The following MBNL1 variants were observed in gnomAD, a reference collection of about 807,000 sequenced individuals.
The protein encoded by MBNL1 is muscleblind like splicing regulator 1, also known as muscleblind-like protein 1.
In MBNL1, 8 loss-of-function variants were observed where a neutral mutation model predicts 42.2. The observed-to-expected ratio is 0.19, with a 90% CI of 0.11 to 0.34. The LOEUF (loss-of-function observed/expected upper bound fraction) is 0.34, where lower values mean the gene tolerates loss of function less well. MBNL1 is among the 10% of genes least tolerant of loss of function. The pLI is 1.00. For synonymous variants in MBNL1, 169 were observed against 173.9 expected (o/e 0.97, Z 0.22); for missense variants, 309 against 495.3 (o/e 0.62, Z 3.57).
intron 6 of MBNL1, among the ~76,000 whole-genome samples, chr3:152,454,208 A>G (rs1005740071): frequency 3.3e-5 from 5 of 152,216 alleles, no homozygotes; most frequent in Non-Finnish European, 5.9e-5. Flanking sequence ...GTCCCCAGAT[A>G]CATTACAGAG....
At chr3:152,362,372 G>A (rs895637730) in intron 2 of MBNL1, among the ~76,000 whole-genome samples, 5 of 152,182 alleles carry the variant, frequency 3.3e-5, no homozygotes, top group African/African-American at 1.2e-4. Context: ...AAAGTCATAT[G>A]ATGTAGATTC....
At chr3:152,412,943 A>C (rs948979577) in intron 2 of MBNL1, among the ~76,000 whole-genome samples, 1 of 152,214 alleles carries the variant, frequency 6.6e-6, no homozygotes, top group African/African-American at 2.4e-5. Context: ...TATGATGCGG[A>C]GATACTGAGA....
chr3:152,456,179 C>A, intron 7 of MBNL1, 88 bp from the exon 8 acceptor site: 1 of 881,454 alleles, frequency 1.1e-6, no homozygotes. Flanking sequence ...TGATAAATAC[C>A]ATGCCCAATT....
intron 2 of MBNL1, among the ~76,000 whole-genome samples, chr3:152,357,706 T>TA (rs2095628188): frequency 1.3e-5 from 2 of 152,210 alleles, no homozygotes; most frequent in Admixed American, 1.3e-4. Context: ...CCCACCTTAC[T>TA]CTTGCTTCTT....
intron 2 of MBNL1, among the ~76,000 whole-genome samples, chr3:152,357,365 T>C (rs2095603218): frequency 6.6e-6 from 1 of 152,178 alleles, no homozygotes; most frequent in Non-Finnish European, 1.5e-5. Context: ...TAAAACAAAG[T>C]TGTAGCATCT....
intron 2 of MBNL1, among the ~76,000 whole-genome samples, chr3:152,245,357 T>C (rs2032662998): frequency 6.6e-6 from 1 of 152,192 alleles, no homozygotes; most frequent in Non-Finnish European, 1.5e-5. Context: ...GAGTGTTTAA[T>C]ACAGCTTTGA....
At chr3:152,301,232 T>C (rs771008060) in intron 2 of MBNL1, among the ~76,000 whole-genome samples, 2 of 152,176 alleles carry the variant, frequency 1.3e-5, no homozygotes, top group Non-Finnish European at 2.9e-5. Context: ...AATGAGTCTT[T>C]TAAAAGATAA....
In MBNL1 at chr3:152,464,971, C is replaced by T. The variant is rs935290776; in HGVS notation, c.*2605C>T. On this transcript the variant is annotated 3_prime_UTR_variant, in exon 10 of 10. Coordinates refer to ENST00000324210, the MANE Select transcript of MBNL1 (RefSeq NM_021038.5). ...GTGGCACAGAGTTAGCACTCCATAC[C>T]CCTTCAAACATGTTGCTTTGCTTTC... 3 of 152,556 alleles carry T rather than the reference C, an allele frequency of 2.0e-5. No homozygotes were observed. The highest frequency in any genetic ancestry group is 2.9e-5 in the Non-Finnish European group (2 of 68,028). 9.5% of individuals were successfully genotyped at this position (152,556 alleles called of 1,614,324 possible). A position where few individuals can be genotyped will look rare whatever the true frequency, so the allele number is the denominator to read the frequency against.
chr3:152,348,414 T>A (rs1330514164), intron 2 of MBNL1, among the ~76,000 whole-genome samples: 3 of 152,140 alleles, frequency 2.0e-5, no homozygotes, highest in East Asian at 3.8e-4. Flanking sequence ...CTGTTTATTA[T>A]TTTTAGGAAA....
chr3:152,307,302 T>G (rs1358565711), intron 2 of MBNL1, among the ~76,000 whole-genome samples: 1 of 152,200 alleles, frequency 6.6e-6, no homozygotes, highest in Non-Finnish European at 1.5e-5. Flanking sequence ...TATTCATATT[T>G]ATATAAACAG....
chr3:152,272,039 T>TTCTCTCTC (rs139763690), intron 1 of MBNL1, among the ~76,000 whole-genome samples: 19 of 147,796 alleles, frequency 1.3e-4, no homozygotes, highest in South Asian at 6.5e-4. Flanking sequence ...CCTGTTTCTT[T>TTCTCTCTC]TCTCTCTCTC....
chr3:152,330,153 T>C (rs1214591044), intron 2 of MBNL1, among the ~76,000 whole-genome samples: 1 of 152,156 alleles, frequency 6.6e-6, no homozygotes, highest in Non-Finnish European at 1.5e-5. Context: ...TGTTCTTAGG[T>C]ATTTTATTTA....
At chr3:152,444,281 G>T (rs939797064) in intron 4 of MBNL1, among the ~76,000 whole-genome samples, 5 of 152,150 alleles carry the variant, frequency 3.3e-5, no homozygotes, top group Non-Finnish European at 7.4e-5. Context: ...TAAATAGTAA[G>T]AGTCAAAATT....
intron 2 of MBNL1, among the ~76,000 whole-genome samples, chr3:152,327,912 G>T (rs1237779450): frequency 6.6e-6 from 1 of 151,870 alleles, no homozygotes; most frequent in Non-Finnish European, 1.5e-5. Flanking sequence ...CTGACCCAAA[G>T]AAAAATCAGA....
chr3:152,407,237 G>C (rs1227306220), intron 2 of MBNL1, among the ~76,000 whole-genome samples: 1 of 48,160 alleles, frequency 2.1e-5, no homozygotes, highest in African/African-American at 8.6e-5. Context: ...TTTTTTTTTA[G>C]TTTGTTTCAC....
intron 2 of MBNL1, among the ~76,000 whole-genome samples, chr3:152,252,156 C>T (rs2034679200): frequency 6.9e-6 from 1 of 144,792 alleles, no homozygotes; most frequent in African/African-American, 2.5e-5. Context: ...TCCTTCCTTC[C>T]TTCCTTCCTT....
At chr3:152,424,228 C>T (rs1454794289) in intron 3 of MBNL1, among the ~76,000 whole-genome samples, 2 of 152,224 alleles carry the variant, frequency 1.3e-5, no homozygotes, top group African/African-American at 2.4e-5. Flanking sequence ...TCAGCAGTCT[C>T]AGGATACAAA....
intron 1 of MBNL1, among the ~76,000 whole-genome samples, chr3:152,278,990 A>G (rs1195832582): frequency 6.6e-6 from 1 of 152,124 alleles, no homozygotes; most frequent in Non-Finnish European, 1.5e-5. Flanking sequence ...CAAAGAAGGA[A>G]GTTTTTGTGG....
chr3:152,364,554 G>A (rs1302821321), intron 2 of MBNL1, among the ~76,000 whole-genome samples: 1 of 151,758 alleles, frequency 6.6e-6, no homozygotes, highest in Non-Finnish European at 1.5e-5. Flanking sequence ...CCTTTGAATT[G>A]TACAGTAAGA....
Sources: gnomAD v4.1 joint callset for allele counts (sites outside exome capture counted in the v4.1 genomes callset) on GRCh38, gnomAD v4.1.1 for gene constraint, MANE v1.5 for transcripts, NCBI Gene and HGNC (gene_info 2026-07-23, HGNC 2026-07-21) for gene names.